Variants in EIF3H observed in about 807,000 individuals in gnomAD.
EIF3H encodes the protein eukaryotic translation initiation factor 3 subunit H, also known as eIF-3-gamma.
Under a neutral mutation model 44.2 loss-of-function variants are expected in EIF3H, and 26 were observed. That is an observed-to-expected ratio of 0.59 (90% CI 0.43 to 0.82). The LOEUF is 0.82. Ranked by LOEUF, EIF3H falls within the 40% of genes least tolerant of loss-of-function variation. The pLI is 0.00. For missense variants in EIF3H, 359 were observed against 432.8 expected, an observed-to-expected ratio of 0.83 and a Z score of 1.51; for synonymous variants, 166 against 151.9, an observed-to-expected ratio of 1.09 and a Z score of -0.68.
chr8:116,667,359 T>C (rs1156261035), intron 2 of EIF3H, among the ~76,000 whole-genome samples: 6 of 151,910 alleles, frequency 3.9e-5, no homozygotes, highest in Admixed American at 1.3e-4. Context: ...TATAGAAAAA[T>C]CATGCTTGAT....
rs1020619768 is a variant in EIF3H at position 116,714,984 on chromosome 8, G to A, written c.289+11032C>T. ...GGCTGCAGGAAAGCTGAGAAGGAAG[G>A]TGAGATTTGAGGAAGCAAGTAACTA... is the stretch of plus-strand genomic sequence containing the variant. On this transcript the variant is annotated intron_variant, in intron 2 of 7. Coordinates refer to ENST00000521861, the MANE Select transcript of EIF3H (RefSeq NM_003756.3). 5.3e-5 allele frequency among the ~76,000 whole-genome samples: 8 copies of A among 152,208 alleles called. No individual in the cohort carries two copies. In the South Asian group the frequency reaches 1.0e-3, roughly 20 times the overall value.
intron 1 of EIF3H, among the ~76,000 whole-genome samples, chr8:116,742,419 T>C (rs537518368): frequency 2.6e-5 from 4 of 152,228 alleles, no homozygotes; most frequent in Non-Finnish European, 5.9e-5. Context: ...GATGTTTAAT[T>C]TATAAGTTTC....
Position 116,646,536 on chromosome 8 carries a change from T to C in EIF3H, c.896A>G (p.Glu299Gly), listed in dbSNP as rs1432787275. 6.2e-7 allele frequency: 1 copy of C among 1,614,166 alleles called. No homozygotes were observed. The highest frequency in any genetic ancestry group is 8.5e-7 in the Non-Finnish European group (1 of 1,180,022). ...TGGTTTGAAGAGTTTGGACAGGTCC[T>C]CCTCAGGGAGCGGGGGTTCTCCTCG... ...QSRGEPPLPE[E>G]DLSKLFKPPQ... Residue 299 changes from glutamate to glycine, a missense_variant, in exon 7 of 8, where the codon GAG (glutamate) becomes GGG (glycine). Glu to Gly is a moderately conservative substitution (Grantham distance 98). Transcript: ENST00000521861.
At chr8:116,740,764 C>G (rs1342797010) in intron 1 of EIF3H, among the ~76,000 whole-genome samples, 1 of 152,126 alleles carries the variant, frequency 6.6e-6, no homozygotes, top group African/African-American at 2.4e-5. Flanking sequence ...CTCCCCAACC[C>G]TGTAGTCTAC....
intron 1 of EIF3H, among the ~76,000 whole-genome samples, chr8:116,750,517 C>T (rs1015008188): frequency 6.6e-6 from 1 of 151,498 alleles, no homozygotes; most frequent in African/African-American, 2.4e-5. Context: ...TCATGCCATT[C>T]CCCTGCCTCA....
chr8:116,722,055 G>T (rs1212003741), intron 2 of EIF3H, among the ~76,000 whole-genome samples: 1 of 152,144 alleles, frequency 6.6e-6, no homozygotes, highest in African/African-American at 2.4e-5. Context: ...GGAATGATAT[G>T]GTTTGGCTGT....
chr8:116,764,311 C>A (rs1397697905), intron 1 of EIF3H, among the ~76,000 whole-genome samples: 6 of 152,056 alleles, frequency 3.9e-5, no homozygotes, highest in Non-Finnish European at 8.8e-5. Context: ...AATTTATATC[C>A]AAATGGTTCA....
intron 2 of EIF3H, among the ~76,000 whole-genome samples, chr8:116,706,199 A>G (rs1412859966): frequency 2.6e-5 from 4 of 152,232 alleles, no homozygotes; most frequent in Non-Finnish European, 4.4e-5. Flanking sequence ...ACCTTTTAGT[A>G]GTCTCTTACA....
intron 1 of EIF3H, among the ~76,000 whole-genome samples, chr8:116,751,211 C>CAAAAA (rs869150189): frequency 1.1e-3 from 106 of 100,490 alleles, no homozygotes; most frequent in Non-Finnish European, 2.0e-3. Context: ...GACTCCGTCT[C>CAAAAA]AAAAAAAAAA....
intron 1 of EIF3H, among the ~76,000 whole-genome samples, chr8:116,739,435 G>T (rs532087700): frequency 2.6e-5 from 4 of 152,198 alleles, no homozygotes; most frequent in African/African-American, 9.6e-5. Flanking sequence ...CAGATCACGA[G>T]GTCAGGAGAT....
chr8:116,701,201 C>T (rs1310398647), intron 2 of EIF3H, among the ~76,000 whole-genome samples: 1 of 152,110 alleles, frequency 6.6e-6, no homozygotes, highest in Non-Finnish European at 1.5e-5. Context: ...GCTTCGTATG[C>T]AATTCACAAT....
chr8:116,658,196 G>A (rs1366935153), intron 3 of EIF3H: 2 of 152,130 alleles, frequency 1.3e-5, no homozygotes, highest in African/African-American at 4.8e-5. Context: ...TATTTTTTCT[G>A]ACAGATACTC....
chr8:116,756,146 C>T (rs1815446460), upstream of EIF3H: 1 of 797,436 alleles, frequency 1.3e-6, no homozygotes, highest in African/African-American at 1.7e-5. Context: ...TCTGATCTTG[C>T]AATGAAGTGC....
intron 2 of EIF3H, among the ~76,000 whole-genome samples, chr8:116,673,975 CAGG>C (rs1813800989): frequency 1.4e-5 from 2 of 141,100 alleles, no homozygotes; most frequent in Non-Finnish European, 3.0e-5. Context: ...GAGGCTGAGG[CAGG>C]AGAATGGCGT....
intron 1 of EIF3H, among the ~76,000 whole-genome samples, chr8:116,735,337 C>T (rs1450465465): frequency 6.6e-6 from 1 of 152,130 alleles, no homozygotes; most frequent in Non-Finnish European, 1.5e-5. Context: ...ATTGCTAGTG[C>T]GAAAGCAGAA....
At chr8:116,708,366 T>C (rs920824840) in intron 2 of EIF3H, among the ~76,000 whole-genome samples, 1 of 152,062 alleles carries the variant, frequency 6.6e-6, no homozygotes, top group Non-Finnish European at 1.5e-5. Context: ...TAAACCTTCA[T>C]AGTCTTCCCT....
chr8:116,690,547 C>T (rs1814157179), intron 2 of EIF3H, among the ~76,000 whole-genome samples: 1 of 151,966 alleles, frequency 6.6e-6, no homozygotes, highest in Non-Finnish European at 1.5e-5. Context: ...CAAAACAAAA[C>T]AATTTGAAAA....
chr8:116,743,793 T>TAC (rs1249127438), intron 1 of EIF3H, among the ~76,000 whole-genome samples: 4,234 of 66,288 alleles, frequency 0.064, 142 homozygotes, highest in African/African-American at 0.13. Flanking sequence ...TATATATATA[T>TAC]ATATAAACAC....
chr8:116,649,895 A>G (rs1329346016), intron 5 of EIF3H, among the ~76,000 whole-genome samples: 2 of 152,212 alleles, frequency 1.3e-5, no homozygotes, highest in Non-Finnish European at 2.9e-5. Context: ...TGAGTCAGCT[A>G]TGCCAAAAAT....
Sources: allele counts gnomAD v4.1 joint callset (sites outside exome capture counted in the v4.1 genomes callset), GRCh38; gene constraint gnomAD v4.1.1; transcripts MANE v1.5; gene names NCBI Gene and HGNC (gene_info 2026-07-23, HGNC 2026-07-21).